ZNF624: variants seen among roughly 807,000 people sequenced by gnomAD.
ZNF624 encodes the protein zinc finger protein 624.
ZNF624 carries 43 observed loss-of-function variants against 74.7 expected under a neutral mutation model. That is an observed-to-expected ratio of 0.58 (90% CI 0.45 to 0.74). The LOEUF (loss-of-function observed/expected upper bound fraction) is 0.74. Ranked by LOEUF, ZNF624 falls within the 30% of genes least tolerant of loss-of-function variation. ZNF624 has a pLI of 0.00. For missense variants in ZNF624, 820 were observed against 1,030.0 expected (o/e 0.80, Z 2.79); for synonymous variants, 331 against 341.3 (o/e 0.97, Z 0.33).
chr17:16,630,668 A>C (rs1909185589), intron 5 of ZNF624, among the ~76,000 whole-genome samples: 1 of 152,218 alleles, frequency 6.6e-6, no homozygotes, highest in Non-Finnish European at 1.5e-5. Flanking sequence ...TACAAATAAC[A>C]ACCAAAAGAA....
intron 1 of ZNF624, among the ~76,000 whole-genome samples, chr17:16,652,693 TG>T (rs1909755172): frequency 1.3e-5 from 2 of 152,344 alleles, no homozygotes; most frequent in Admixed American, 1.3e-4. Flanking sequence ...CTCTGAGACC[TG>T]GGGCTGTGAT....
At chr17:16,635,864 T>G (rs1395337465) in intron 3 of ZNF624, among the ~76,000 whole-genome samples, 1 of 147,316 alleles carries the variant, frequency 6.8e-6, no homozygotes, top group Admixed American at 6.8e-5. Flanking sequence ...TAGAGATTCA[T>G]GAAGCATTTT....
At chr17:16,647,028 T>A (rs1208953511) in intron 3 of ZNF624, among the ~76,000 whole-genome samples, 1 of 152,230 alleles carries the variant, frequency 6.6e-6, no homozygotes, top group East Asian at 1.9e-4. Flanking sequence ...TTCCACAATG[T>A]TGATGTACTC....
At chr17:16,633,568 C>T (rs777042415) in intron 5 of ZNF624, among the ~76,000 whole-genome samples, 4 of 151,874 alleles carry the variant, frequency 2.6e-5, no homozygotes, top group African/African-American at 4.8e-5. Context: ...AGAAGACAGA[C>T]CTGAAAGGGA....
chr17:16,622,271 G>T lies in ZNF624; in HGVS notation c.*17C>A. 6.6e-7 allele frequency: 1 copy of T among 1,512,910 alleles called. No homozygotes were observed. The highest frequency in any genetic ancestry group is 8.8e-7 in the Non-Finnish European group (1 of 1,132,728). The allele number at this position is 1,512,910 out of a possible 1,614,324, so 93.7% of individuals were successfully genotyped here. A position where few individuals can be genotyped will look rare whatever the true frequency, so the allele number is the denominator to read the frequency against. On this transcript the variant is annotated 3_prime_UTR_variant, in exon 6 of 6. Transcript: ENST00000311331. ...CATCTTGTGGAGTTGACATCTAGGT[G>T]AATGACTTATTGTTCTTTATATTAA...
chr17:16,642,031 C>T (rs1001500980), intron 3 of ZNF624, among the ~76,000 whole-genome samples: 2 of 152,100 alleles, frequency 1.3e-5, no homozygotes, highest in Non-Finnish European at 2.9e-5. Flanking sequence ...GGAGGACAAT[C>T]GATGTTCAAG....
At position 16,624,465 on chromosome 17, in the gene ZNF624, C is replaced by T. The variant is rs142158380; in HGVS notation, c.421G>A (p.Ala141Thr). ...PATKKATRTK[A>T]ISEDLSQEAI... is the part of the protein sequence containing the mutation. The stretch of plus-strand genomic sequence containing the variant: ...TCCTGTGATAAATCTTCAGAAATAG[C>T]CTTTGTTCGTGTAGCCTTCTTGGTT... Residue 141 changes from alanine to threonine, a missense_variant, in exon 6 of 6, where the codon GCT (alanine) becomes ACT (threonine). Ala to Thr is a moderately conservative substitution (Grantham distance 58, BLOSUM62 0). Transcript: ENST00000311331. 8 of 1,593,894 alleles carry T rather than the reference C, an allele frequency of 5.0e-6. No homozygotes were observed. Among genetic ancestry groups the T allele is most frequent in the Middle Eastern group, 1.7e-4 (1 of 5,936 alleles).
At chr17:16,649,580 G>C in intron 2 of ZNF624, 78 bp downstream of exon 2, 1 of 1,304,006 alleles carries the variant, frequency 7.7e-7, no homozygotes, top group Non-Finnish European at 1.1e-6. Flanking sequence ...GGGAAGTAGA[G>C]AAGTCGCAAG....
At chr17:16,635,814 T>G (rs141062950) in intron 3 of ZNF624, among the ~76,000 whole-genome samples, 252 of 150,614 alleles carry the variant, frequency 1.7e-3, no homozygotes, top group African/African-American at 5.8e-3. Flanking sequence ...GAGATGAGGT[T>G]AAAAACTCCA....
intron 5 of ZNF624, 184 bp from the exon 6 acceptor site, chr17:16,624,693 G>GT (rs954009081): frequency 1.8e-6 from 1 of 541,298 alleles, no homozygotes; most frequent in Non-Finnish European, 3.1e-6. Context: ...AAAAACTAAA[G>GT]TAGCAAATTC....
chr17:16,640,327 G>GT (rs1475856362), intron 3 of ZNF624, among the ~76,000 whole-genome samples: 3 of 151,956 alleles, frequency 2.0e-5, no homozygotes, highest in African/African-American at 7.2e-5. Context: ...GAAGAAATCA[G>GT]TAACCTAAAT....
Position 16,623,768 on chromosome 17 carries a change from G to C in ZNF624, c.1118C>G (p.Ala373Gly). Residue 373 changes from alanine (A) to glycine (G), a missense_variant, in exon 6 of 6, where the codon GCC becomes GGC. By Grantham distance (60) the Ala-to-Gly change is moderately conservative (BLOSUM62 0). Coordinates refer to ENST00000311331, the MANE Select transcript of ZNF624 (RefSeq NM_020787.4). The surrounding 1 kb of genome is among the most constrained non-coding windows in gnomAD (Gnocchi z 5.3). ...NVCGKSFSQC[A>G]RLNQHQRIQT... The stretch of plus-strand genomic sequence containing the variant: ...AATTCTCTGGTGCTGATTAAGACGG[G>C]CACACTGGCTAAAAGATTTCCCACA... 1.2e-6 allele frequency: 2 copies of C among 1,614,006 alleles called. No homozygotes were observed. Among genetic ancestry groups the C allele is most frequent in the South Asian group, 2.2e-5 (2 of 91,084 alleles).
chr17:16,628,728 C>T (rs1405251105), intron 5 of ZNF624, among the ~76,000 whole-genome samples: 1 of 151,162 alleles, frequency 6.6e-6, no homozygotes, highest in Non-Finnish European at 1.5e-5. Context: ...AGAGAATGGA[C>T]AGAAGCTAAG....
In ZNF624 at chr17:16,623,612, A is replaced by C. The variant is rs748323024; in HGVS notation, c.1274T>G (p.Phe425Cys). The C allele has an allele frequency of 1.2e-6, 2 of 1,611,734 alleles. No individual in the cohort carries two copies. Among genetic ancestry groups the C allele is most frequent in the Non-Finnish European group, 1.7e-6 (2 of 1,179,270 alleles). ...TACACTAAGATATGACTTGTTCCTA[A>C]AGGCTTTCCCACAATCATCACATTT... ...PYKCDDCGKA[F>C]RNKSYLSVHQ... The change falls in exon 6 of 6, where the codon TTT (phenylalanine) becomes TGT (cysteine). Residue 425 changes from phenylalanine to cysteine, a missense_variant. Phe to Cys is a radical substitution (Grantham distance 205, BLOSUM62 -2). Coordinates refer to ENST00000311331, the MANE Select transcript of ZNF624 (RefSeq NM_020787.4). The surrounding 1 kb of genome is among the most constrained non-coding windows in gnomAD (Gnocchi z 5.3).
At position 16,621,212 on chromosome 17, in the gene ZNF624, T is replaced by C. The variant is rs1227529416; in HGVS notation, c.*1076A>G. On this transcript the variant is annotated 3_prime_UTR_variant, in exon 6 of 6. Transcript: ENST00000311331. Reference sequence around the variant, plus strand: ...GGAAATACATTGAAATCAGCTAGCATAGATATAAGTCGTTTTTAAAATTAC... The same window carrying C: ...GGAAATACATTGAAATCAGCTAGCACAGATATAAGTCGTTTTTAAAATTAC... 6.6e-5 allele frequency: 10 copies of C among 152,228 alleles called. No individual in the cohort carries two copies. The highest frequency in any genetic ancestry group is 8.8e-5 in the Non-Finnish European group (6 of 68,034). 9.4% of individuals were successfully genotyped at this position (152,228 alleles called of 1,614,324 possible).
chr17:16,629,007 G>C (rs1042017825), intron 5 of ZNF624, among the ~76,000 whole-genome samples: 2 of 151,878 alleles, frequency 1.3e-5, no homozygotes, highest in Admixed American at 6.6e-5. Context: ...AGACCAGCCT[G>C]GCCAATGTGG....
intron 3 of ZNF624, among the ~76,000 whole-genome samples, chr17:16,637,140 A>G (rs1053476463): frequency 1.9e-4 from 29 of 152,190 alleles, no homozygotes; most frequent in African/African-American, 6.5e-4. Flanking sequence ...AAGAGAATAA[A>G]ATACCTAGGA....
chr17:16,652,072 A>G (rs1909738845), intron 1 of ZNF624, among the ~76,000 whole-genome samples: 1 of 152,152 alleles, frequency 6.6e-6, no homozygotes, highest in Admixed American at 6.5e-5. Flanking sequence ...GGTATAATGT[A>G]CGTTATTCTA....
At chr17:16,644,196 C>T (rs1909533932) in intron 3 of ZNF624, among the ~76,000 whole-genome samples, 5 of 152,068 alleles carry the variant, frequency 3.3e-5, no homozygotes, top group Admixed American at 3.3e-4. Context: ...GAACTGTGAG[C>T]CAAATAAACC....
Sources: gnomAD v4.1 joint callset for allele counts (sites outside exome capture counted in the v4.1 genomes callset) on GRCh38, gnomAD v4.1.1 for gene constraint, Gnocchi (gnomAD v3.1) non-coding constraint, MANE v1.5 for transcripts, NCBI Gene and HGNC (gene_info 2026-07-23, HGNC 2026-07-21) for gene names.